The following TIAM2 variants were observed in gnomAD, a reference collection of about 807,000 sequenced individuals.
TIAM2 encodes the protein rho guanine nucleotide exchange factor TIAM2.
In TIAM2, 80 loss-of-function variants were observed where a neutral mutation model predicts 152.9. The ratio of observed to expected loss-of-function variants is 0.52; its 90% CI spans 0.44 to 0.63. TIAM2 has a LOEUF of 0.63. Ranked by LOEUF, TIAM2 falls within the 30% of genes least tolerant of loss-of-function variation. The pLI is 0.00. For missense variants in TIAM2, 1,965 were observed against 2,120.1 expected (o/e 0.93, Z 1.44); for synonymous variants, 804 against 838.0 (o/e 0.96, Z 0.70).
At chr6:155,157,085 C>G (rs950322156) in intron 7 of TIAM2, among the ~76,000 whole-genome samples, 1 of 151,766 alleles carries the variant, frequency 6.6e-6, no homozygotes, top group East Asian at 1.9e-4. Flanking sequence ...GGAACCGTGT[C>G]TGTTTTTTTA....
chr6:155,119,372 C>G (rs1779099021), intron 2 of TIAM2, among the ~76,000 whole-genome samples: 1 of 151,450 alleles, frequency 6.6e-6, no homozygotes, highest in African/African-American at 2.4e-5. Flanking sequence ...GTGAGAATCT[C>G]TTCTTCACTC....
chr6:155,017,680 T>G (rs1005399565), intron 1 of TIAM2, among the ~76,000 whole-genome samples: 1 of 151,948 alleles, frequency 6.6e-6, no homozygotes, highest in African/African-American at 2.4e-5. Context: ...ATTTTTTGTA[T>G]TTTTTGTAGA....
At chr6:155,114,888 C>T (rs948691441) in intron 2 of TIAM2, among the ~76,000 whole-genome samples, 1 of 151,996 alleles carries the variant, frequency 6.6e-6, no homozygotes, top group Non-Finnish European at 1.5e-5. Context: ...AGTGCAGTGG[C>T]GTGATCTCAT....
intron 7 of TIAM2, among the ~76,000 whole-genome samples, chr6:155,160,077 A>G (rs556283413): frequency 6.6e-6 from 1 of 152,312 alleles, no homozygotes; most frequent in South Asian, 2.1e-4. Context: ...AGTTATGGAG[A>G]AGAGCAAGTC....
Position 155,165,358 on chromosome 6 carries a change from G to A in TIAM2, c.2310G>A (p.Gly770=). The change falls in exon 9 of 27, where the codon GGG becomes GGA. Residue 770 remains glycine (G), a synonymous_variant. Transcript: ENST00000682666. ...AGGGAATATTTTCTTCGTTAAAAGG[G>A]CTGGACACACTGGCCAGAAAAGGCA... ...NKKGIFSSLK[G]LDTLARKGKE... 1.9e-6 allele frequency: 3 copies of A among 1,614,162 alleles called. No individual in the cohort carries two copies. The highest frequency in any genetic ancestry group is 2.5e-6 in the Non-Finnish European group (3 of 1,180,034).
chr6:155,230,081 G>A (rs180969297), intron 15 of TIAM2, among the ~76,000 whole-genome samples: 53 of 152,054 alleles, frequency 3.5e-4, no homozygotes, highest in African/African-American at 1.1e-3. Context: ...CTGTACCACC[G>A]AGAGTACAAA....
chr6:155,052,914 G>A (rs1441638388), intron 1 of TIAM2, among the ~76,000 whole-genome samples: 5 of 152,128 alleles, frequency 3.3e-5, no homozygotes, highest in Admixed American at 3.3e-4. Flanking sequence ...ATAAATGCTA[G>A]GACCATGTTT....
chr6:155,250,593 C>T, intron 21 of TIAM2: 1 of 1,535,986 alleles, frequency 6.5e-7, no homozygotes. Context: ...GGAAAGCTTA[C>T]AAAAGGCACT....
chr6:155,028,934 T>G lies in TIAM2; in HGVS notation c.-209+33442T>G, dbSNP rs1422683341. Among the ~76,000 whole-genome samples the G allele has an allele frequency of 1.8e-5, 2 of 114,214 alleles. 1 individual carries two copies. Among genetic ancestry groups the G allele is most frequent in the African/African-American group, 7.3e-5 (2 of 27,426 alleles). 74.9% of individuals were successfully genotyped at this position (114,214 alleles called of 152,430 possible). On this transcript the variant is annotated intron_variant, in intron 1 of 26. Transcript: ENST00000682666. ...TATGTTATATATACACTGTATATAC[T>G]ATATATACTATGTTATATATACACT... is the stretch of plus-strand genomic sequence containing the variant.
At chr6:155,123,772 A>G (rs938228124) in intron 2 of TIAM2, among the ~76,000 whole-genome samples, 1 of 152,096 alleles carries the variant, frequency 6.6e-6, no homozygotes, top group Non-Finnish European at 1.5e-5. Flanking sequence ...GGGCTGACAA[A>G]GAGAGGTGGT....
chr6:155,051,825 A>C (rs75884673), intron 1 of TIAM2, among the ~76,000 whole-genome samples: 5,818 of 151,878 alleles, frequency 0.038, 335 homozygotes, highest in African/African-American at 0.13. Flanking sequence ...TTTTTATTAG[A>C]GACGGGGTTT....
At chr6:155,041,481 G>C (rs1777046639) in intron 1 of TIAM2, among the ~76,000 whole-genome samples, 1 of 152,082 alleles carries the variant, frequency 6.6e-6, no homozygotes, top group Admixed American at 6.5e-5. Flanking sequence ...GAGTGTGGTG[G>C]AAAAAGCAAT....
At chr6:155,035,513 A>G (rs1186442800) in intron 1 of TIAM2, among the ~76,000 whole-genome samples, 1 of 152,174 alleles carries the variant, frequency 6.6e-6, no homozygotes, top group Admixed American at 6.6e-5. Flanking sequence ...GAGACTACCC[A>G]GCCTTTTCCT....
chr6:155,028,783 T>C (rs916125836), intron 1 of TIAM2, among the ~76,000 whole-genome samples: 1 of 128,076 alleles, frequency 7.8e-6, no homozygotes, highest in African/African-American at 2.9e-5. Context: ...ATACTACATG[T>C]AATATATATA....
intron 15 of TIAM2, chr6:155,217,209 T>C: frequency 8.9e-7 from 1 of 1,123,234 alleles, no homozygotes; most frequent in Non-Finnish European, 1.2e-6. Context: ...GTCTAAAGAC[T>C]GATATGCAGA....
chr6:155,051,730 C>T (rs891166192), intron 1 of TIAM2, among the ~76,000 whole-genome samples: 3 of 151,968 alleles, frequency 2.0e-5, no homozygotes, highest in Non-Finnish European at 2.9e-5. Context: ...CTGCAACTTC[C>T]GCCTCCCAGG....
In TIAM2 at chr6:155,001,424, A is replaced by G. The variant is rs1562286232; in HGVS notation, c.-209+5932A>G. On this transcript the variant is annotated intron_variant, in intron 1 of 26. Transcript: ENST00000682666. ...CAAATAAAGGATCTTAATAAAAATC[A>G]TCTAGCATTTGAAAGCTTTTATTTT... Among the ~76,000 whole-genome samples, 11 of 152,346 alleles carry G rather than the reference A, an allele frequency of 7.2e-5. 1 individual carries two copies. In the South Asian group the frequency reaches 2.3e-3, roughly 32 times the overall value.
chr6:155,165,652 G>C (rs1172685514), intron 9 of TIAM2, among the ~76,000 whole-genome samples: 1 of 152,136 alleles, frequency 6.6e-6, no homozygotes, highest in East Asian at 1.9e-4. Context: ...GCCGAGTGTG[G>C]TGGTGTGCGC....
At chr6:155,108,187 G>A (rs1443744192) in intron 2 of TIAM2, among the ~76,000 whole-genome samples, 1 of 152,156 alleles carries the variant, frequency 6.6e-6, no homozygotes. Context: ...ACGTGGGTTC[G>A]TTTTCAGCTG....
Sources: gnomAD v4.1 joint callset for allele counts (sites outside exome capture counted in the v4.1 genomes callset) on GRCh38, gnomAD v4.1.1 for gene constraint, MANE v1.5 for transcripts, NCBI Gene and HGNC (gene_info 2026-07-23, HGNC 2026-07-21) for gene names.